MED12L: variants seen among roughly 807,000 people sequenced by gnomAD.
MED12L encodes mediator of RNA polymerase II transcription subunit 12-like protein.
Under a neutral mutation model 281.3 loss-of-function variants are expected in MED12L, and 60 were observed. The ratio of observed to expected loss-of-function variants is 0.21; its 90% CI spans 0.17 to 0.26. The LOEUF (loss-of-function observed/expected upper bound fraction) is 0.26. Among genes scored for constraint, MED12L ranks in the 10% least tolerant of loss-of-function variants. The pLI, the probability that MED12L is intolerant of heterozygous loss-of-function variation, is 1.00. For missense variants in MED12L, 2,146 were observed against 2,680.9 expected (o/e 0.80, Z 4.41); for synonymous variants, 974 against 987.2 (o/e 0.99, Z 0.25).
chr3:151,313,359 A>G (rs1253825613), intron 16 of MED12L, among the ~76,000 whole-genome samples: 1 of 152,166 alleles, frequency 6.6e-6, no homozygotes, highest in African/African-American at 2.4e-5. Flanking sequence ...AATATACAAT[A>G]AGTCTATATC....
Position 151,378,147 on chromosome 3 carries a change from G to A in MED12L, c.4452G>A (p.Lys1484=), listed in dbSNP as rs149086875. The stretch of plus-strand genomic sequence containing the variant: ...AGCACTTGGGTTCTTCTTCCAAAAA[G>A]GAAAGGGACAGACAGAAACAGAAAA... The part of the protein sequence containing the change: ...KGQHLGSSSK[K]ERDRQKQKSM... The change falls in exon 31 of 45, where the codon AAG becomes AAA. Residue 1484 remains lysine, a synonymous_variant. Transcript: ENST00000687756. The A allele has an allele frequency of 3.7e-4, 598 of 1,609,808 alleles. 1 individual carries two copies. Among genetic ancestry groups the A allele is most frequent in the Non-Finnish European group, 4.0e-4 (467 of 1,177,392 alleles).
At chr3:151,256,568 G>C (rs2149476706) in intron 16 of MED12L, among the ~76,000 whole-genome samples, 1 of 152,052 alleles carries the variant, frequency 6.6e-6, no homozygotes, top group South Asian at 2.1e-4. Flanking sequence ...TCCTAATGTA[G>C]GCAAAACATG....
At chr3:151,395,463 A>C (rs899900326) in intron 39 of MED12L, among the ~76,000 whole-genome samples, 8 of 152,362 alleles carry the variant, frequency 5.3e-5, no homozygotes, top group Non-Finnish European at 1.2e-4. Flanking sequence ...TCTTCATAGA[A>C]GACAGTGATC....
intron 2 of MED12L, among the ~76,000 whole-genome samples, chr3:151,090,752 A>C (rs917638054): frequency 2.0e-5 from 3 of 152,198 alleles, no homozygotes; most frequent in Non-Finnish European, 4.4e-5. Flanking sequence ...AAAGAGACTG[A>C]AACAGGGCCA....
Position 151,181,227 on chromosome 3 carries a change from G to A in MED12L, c.1495-4103G>A, listed in dbSNP as rs77050580. Among the ~76,000 whole-genome samples, 1,239 of 151,866 alleles carry A rather than the reference G, an allele frequency of 8.2e-3. 20 individuals are homozygous for A. Among genetic ancestry groups the A allele is most frequent in the African/African-American group, 0.028 (1,168 of 41,396 alleles). ...TTGGTATTAAAAATAATATATGTTCGTTTAAAATTTGGAATATATGCAAAA... is the reference window on the plus strand; with the variant it reads ...TTGGTATTAAAAATAATATATGTTCATTTAAAATTTGGAATATATGCAAAA... On this transcript the variant is annotated intron_variant, in intron 11 of 44. Transcript: ENST00000687756.
chr3:151,100,696 A>G lies in MED12L; in HGVS notation c.99+13671A>G, dbSNP rs189778503. ...TTGTTTTTACTCTGGTCAGTTTCAG[A>G]CTAAATGTAAACTCCCTCTTGAAAA... On this transcript the variant is annotated intron_variant, in intron 2 of 44. Transcript: ENST00000687756. Among the ~76,000 whole-genome samples the G allele has an allele frequency of 3.3e-5, 5 of 152,330 alleles. No individual in the cohort carries two copies. The East Asian group carries it at 9.6e-4, about 29-fold the overall frequency.
chr3:151,205,436 G>A (rs979985298), intron 16 of MED12L, among the ~76,000 whole-genome samples: 5 of 152,254 alleles, frequency 3.3e-5, no homozygotes, highest in Admixed American at 1.3e-4. Flanking sequence ...CATACAAAAC[G>A]TGCTTTTGAT....
chr3:151,341,597 G>A (rs977817238), intron 16 of MED12L, among the ~76,000 whole-genome samples: 70 of 150,470 alleles, frequency 4.7e-4, no homozygotes, highest in African/African-American at 1.5e-3. Flanking sequence ...ATTATTATAC[G>A]TTAAGTTTTA....
chr3:151,224,623 A>G (rs1401582640), intron 16 of MED12L, among the ~76,000 whole-genome samples: 1 of 152,138 alleles, frequency 6.6e-6, no homozygotes, highest in East Asian at 1.9e-4. Flanking sequence ...AGGCTCAGTC[A>G]AGGAGAATCT....
chr3:151,182,450 C>T (rs1432162385), intron 11 of MED12L, among the ~76,000 whole-genome samples: 1 of 152,190 alleles, frequency 6.6e-6, no homozygotes, highest in Non-Finnish European at 1.5e-5. Flanking sequence ...TAGCAGCATT[C>T]ACTGCTAAGC....
intron 26 of MED12L, 144 bp downstream of exon 26, chr3:151,369,693 T>C (rs1755945546): frequency 1.9e-6 from 1 of 535,074 alleles, no homozygotes; most frequent in Non-Finnish European, 3.3e-6. Flanking sequence ...TAGTGGTTTC[T>C]CCTAGACCAA....
intron 5 of MED12L, among the ~76,000 whole-genome samples, chr3:151,151,031 CTTTTTTTTTTTT>C (rs573419924): frequency 9.1e-5 from 3 of 32,888 alleles, no homozygotes; most frequent in East Asian, 9.9e-4. Flanking sequence ...GCTGAAGTAG[CTTTTTTTTTTTT>C]TTTTTTTTTT....
At chr3:151,360,330 T>C (rs1294542776) in intron 20 of MED12L, 144 bp from the exon 21 acceptor site, 2 of 694,026 alleles carry the variant, frequency 2.9e-6, no homozygotes, top group Middle Eastern at 2.7e-4. Context: ...TGTACTGAGT[T>C]ATTTACTATT....
At chr3:151,374,068 C>T (rs1264831791) in intron 27 of MED12L, among the ~76,000 whole-genome samples, 1 of 152,068 alleles carries the variant, frequency 6.6e-6, no homozygotes, top group Non-Finnish European at 1.5e-5. Context: ...TGTGTTTTCC[C>T]CTAATTCATA....
At chr3:151,430,060 CAAATAA>C (rs1475928783) in intron 43 of MED12L, among the ~76,000 whole-genome samples, 1 of 152,190 alleles carries the variant, frequency 6.6e-6, no homozygotes, top group Non-Finnish European at 1.5e-5. Flanking sequence ...TGGGGCTCTT[CAAATAA>C]ATGCCAACTA....
intron 2 of MED12L, among the ~76,000 whole-genome samples, chr3:151,101,356 G>A (rs1018538356): frequency 6.6e-6 from 1 of 152,164 alleles, no homozygotes; most frequent in Non-Finnish European, 1.5e-5. Flanking sequence ...CTGTGAGGTG[G>A]TCATTATTAT....
chr3:151,255,952 A>C (rs1229628076), intron 16 of MED12L, among the ~76,000 whole-genome samples: 1 of 152,152 alleles, frequency 6.6e-6, no homozygotes, highest in African/African-American at 2.4e-5. Flanking sequence ...CGTAAGGTGT[A>C]TTTTCTTACT....
intron 2 of MED12L, among the ~76,000 whole-genome samples, chr3:151,095,485 A>G (rs987989351): frequency 2.0e-5 from 3 of 152,114 alleles, no homozygotes; most frequent in Non-Finnish European, 4.4e-5. Context: ...TTACAAGCGC[A>G]TGCCACCATG....
At chr3:151,379,482 C>T (rs571912948) in intron 31 of MED12L, among the ~76,000 whole-genome samples, 3 of 152,284 alleles carry the variant, frequency 2.0e-5, no homozygotes, top group African/African-American at 7.2e-5. Flanking sequence ...AACCAAATGC[C>T]TTGACACCTC....
Sources: gnomAD v4.1 joint callset for allele counts (sites outside exome capture counted in the v4.1 genomes callset) on GRCh38, gnomAD v4.1.1 for gene constraint, MANE v1.5 for transcripts, NCBI Gene and HGNC (gene_info 2026-07-23, HGNC 2026-07-21) for gene names.